Variants in RASGRP3 observed in about 807,000 individuals in gnomAD.
RASGRP3 encodes RAS guanyl releasing protein 3.
Under a neutral mutation model 82.7 loss-of-function variants are expected in RASGRP3, and 54 were observed. The observed-to-expected ratio is 0.65, with a 90% confidence interval of 0.52 to 0.82. The LOEUF (loss-of-function observed/expected upper bound fraction) is 0.82. Ranked by LOEUF, RASGRP3 falls within the 40% of genes least tolerant of loss-of-function variation. The probability of loss-of-function intolerance (pLI) is 0.00; values close to 1 mark genes in which losing one functional copy is unlikely to be tolerated. For missense variants in RASGRP3, 861 were observed against 828.9 expected (o/e 1.04, Z -0.48); for synonymous variants, 309 against 300.5 (o/e 1.03, Z -0.29).
Position 33,542,666 on chromosome 2 carries a change from C to A in RASGRP3, c.1279-846C>A, listed in dbSNP as rs190066056. On this transcript the variant is annotated intron_variant, in intron 12 of 17. Coordinates refer to ENST00000403687, the MANE Select transcript of RASGRP3 (RefSeq NM_001139488.2). The stretch of plus-strand genomic sequence containing the variant: ...TAATCCACCTCCTCTTTCCCCCCCC[C>A]ACCAATATCACTCTATTTTATTTAT... 2.3e-4 allele frequency among the ~76,000 whole-genome samples: 34 copies of A among 146,296 alleles called. 2 individuals carry two copies. The highest frequency in any genetic ancestry group is 3.1e-4 in the Non-Finnish European group (20 of 65,352).
At chr2:33,472,865 C>A, upstream of RASGRP3, among the ~76,000 whole-genome samples, 1 of 102,476 alleles carries the variant, frequency 9.8e-6, no homozygotes, top group Non-Finnish European at 2.2e-5. Context: ...AGCAAGACTC[C>A]GTCTCAAAAA....
At chr2:33,502,112 A>G (rs549131080) in intron 1 of RASGRP3, among the ~76,000 whole-genome samples, 1 of 152,254 alleles carries the variant, frequency 6.6e-6, no homozygotes, top group East Asian at 1.9e-4. Context: ...GAGGGTTGCT[A>G]AATTTTGTTT....
intron 16 of RASGRP3, 60 bp downstream of exon 16, chr2:33,558,396 G>T: frequency 6.2e-7 from 1 of 1,609,368 alleles, no homozygotes; most frequent in South Asian, 1.1e-5. Flanking sequence ...CTCACACTTG[G>T]ACCTCATTTA....
At chr2:33,543,420 A>G (rs1355741844) in intron 12 of RASGRP3, 92 bp from the exon 13 acceptor site, 2 of 711,590 alleles carry the variant, frequency 2.8e-6, no homozygotes, top group Non-Finnish European at 4.7e-6. Flanking sequence ...CCTTGATAGA[A>G]AGGATCATAT....
rs1179105118 is a variant in RASGRP3, at chr2:33,439,779, G to A, written c.-385+3188G>A. 2.0e-5 allele frequency among the ~76,000 whole-genome samples: 3 copies of A among 152,160 alleles called. No individual in the cohort carries two copies. In the East Asian group the frequency reaches 5.8e-4, roughly 30 times the overall value. ...GGAGGCTGGGTTCAGAAGGTGGTGG[G>A]ACTTTAATGGTGAACTAAGGAGTCA... On this transcript the variant is annotated intron_variant, in intron 1 of 18. Coordinates refer to the RASGRP3 transcript ENST00000402538.
intron 1 of RASGRP3, among the ~76,000 whole-genome samples, chr2:33,503,936 T>C (rs1326777837): frequency 6.6e-6 from 1 of 152,250 alleles, no homozygotes; most frequent in Non-Finnish European, 1.5e-5. Context: ...GTGCAACCCC[T>C]ATGCTTTTTG....
At chr2:33,447,036 C>T (rs1190527319) in intron 1 of RASGRP3, among the ~76,000 whole-genome samples, 1 of 144,018 alleles carries the variant, frequency 6.9e-6, no homozygotes, top group African/African-American at 2.6e-5. Context: ...CACAGCTACT[C>T]GGGAGGCTGA....
chr2:33,470,311 T>A (rs4670566), intron 2 of RASGRP3, among the ~76,000 whole-genome samples: 90,246 of 151,650 alleles, frequency 0.6, 27,533 homozygotes, highest in African/African-American at 0.65. Context: ...TTAAATAGGT[T>A]ATTCACTTTT....
At chr2:33,509,549 A>G (rs1670733931) in intron 1 of RASGRP3, among the ~76,000 whole-genome samples, 1 of 152,230 alleles carries the variant, frequency 6.6e-6, no homozygotes, top group South Asian at 2.1e-4. Context: ...CTCTTGCCAT[A>G]ACACTTTAGT....
chr2:33,555,297 C>G (rs1276604587), intron 14 of RASGRP3: 2 of 374,900 alleles, frequency 5.3e-6, no homozygotes, highest in Middle Eastern at 7.1e-4. Context: ...AGTTTCCCAT[C>G]CCGGCTCCCA....
intron 2 of RASGRP3, among the ~76,000 whole-genome samples, chr2:33,463,592 C>CTTTTT (rs56748259): frequency 1.4e-5 from 1 of 70,228 alleles, no homozygotes; most frequent in Non-Finnish European, 2.7e-5. Context: ...CTCCTTCACT[C>CTTTTT]TTTTTTTTTT....
At chr2:33,502,654 A>C (rs551266769) in intron 1 of RASGRP3, among the ~76,000 whole-genome samples, 50 of 152,026 alleles carry the variant, frequency 3.3e-4, no homozygotes, top group African/African-American at 1.2e-3. Flanking sequence ...CTGAGACTAC[A>C]GGCACGCACC....
At chr2:33,500,721 G>C (rs1371093987) in intron 1 of RASGRP3, among the ~76,000 whole-genome samples, 3 of 152,180 alleles carry the variant, frequency 2.0e-5, no homozygotes, top group Non-Finnish European at 4.4e-5. Context: ...GGATCACAAG[G>C]TCAGGAGTTT....
At chr2:33,525,095 CAAAAAAA>C (rs77134139) in intron 9 of RASGRP3, among the ~76,000 whole-genome samples, 10 of 114,084 alleles carry the variant, frequency 8.8e-5, no homozygotes, top group Non-Finnish European at 3.7e-5. Context: ...AAAAAAAAAC[CAAAAAAA>C]AAAAAAAAAA....
chr2:33,458,900 T>C (rs1160520986), intron 2 of RASGRP3, among the ~76,000 whole-genome samples: 1 of 152,212 alleles, frequency 6.6e-6, no homozygotes, highest in Non-Finnish European at 1.5e-5. Flanking sequence ...AATTGTGGTA[T>C]GTGCAGATAA....
At chr2:33,544,855 A>T (rs998181327) in intron 13 of RASGRP3, among the ~76,000 whole-genome samples, 1 of 152,192 alleles carries the variant, frequency 6.6e-6, no homozygotes, top group Non-Finnish European at 1.5e-5. Context: ...AATTGAATTT[A>T]AAAAATAAAA....
chr2:33,518,862 G>A (rs1191573278), intron 4 of RASGRP3, among the ~76,000 whole-genome samples: 1 of 144,606 alleles, frequency 6.9e-6, no homozygotes, highest in Non-Finnish European at 1.5e-5. Flanking sequence ...TGCAAGAGCA[G>A]TAACAGGCAT....
intron 1 of RASGRP3, among the ~76,000 whole-genome samples, chr2:33,436,955 A>G (rs1427102394): frequency 3.9e-5 from 6 of 152,136 alleles, no homozygotes; most frequent in Non-Finnish European, 5.9e-5. Flanking sequence ...TCCACCTATA[A>G]TTTATTTGAT....
chr2:33,467,816 C>T (rs1194827160), intron 2 of RASGRP3, among the ~76,000 whole-genome samples: 1 of 152,142 alleles, frequency 6.6e-6, no homozygotes, highest in Non-Finnish European at 1.5e-5. Context: ...CCCATTGGGA[C>T]CTCCCTGAGA....
Sources: gnomAD v4.1 joint callset for allele counts (sites outside exome capture counted in the v4.1 genomes callset) on GRCh38, gnomAD v4.1.1 for gene constraint, MANE v1.5 for transcripts, NCBI Gene and HGNC (gene_info 2026-07-23, HGNC 2026-07-21) for gene names.